The following DCP1B variants were observed in gnomAD, a reference collection of about 807,000 sequenced individuals.
DCP1B encodes mRNA-decapping enzyme 1B.
Under a neutral mutation model 60.5 loss-of-function variants are expected in DCP1B, and 47 were observed. The ratio of observed to expected loss-of-function variants is 0.78; its 90% CI spans 0.61 to 0.99. The LOEUF (loss-of-function observed/expected upper bound fraction) is 0.99. DCP1B is among the 50% of genes least tolerant of loss of function. DCP1B has a pLI of 0.00. For missense variants in DCP1B, 725 were observed against 756.8 expected (o/e 0.96, Z 0.49); for synonymous variants, 267 against 280.3 (o/e 0.95, Z 0.47).
rs552764223 is a variant in DCP1B, at chr12:1,969,724, A to T, written c.320-1814T>A. Among the ~76,000 whole-genome samples the T allele has an allele frequency of 3.9e-5, 6 of 152,228 alleles. 1 individual carries two copies. The highest frequency in any genetic ancestry group is 1.4e-4 in the African/African-American group (6 of 41,538). ...TTCCCTACTCTAATTCCCTACACAG[A>T]TTCCTACACTAACCTGCATACCCTC... On this transcript the variant is annotated intron_variant, in intron 3 of 8. Coordinates refer to ENST00000280665, the MANE Select transcript of DCP1B (RefSeq NM_152640.5).
At chr12:1,998,001 AG>A (rs1197063154) in intron 1 of DCP1B, 26 bp from the exon 2 acceptor site, 1 of 1,593,326 alleles carries the variant, frequency 6.3e-7, no homozygotes. Context: ...AAAACACACA[AG>A]ACATGTATGT....
rs1321487215 is a variant in DCP1B, at chr12:1,948,520, A to G, written c.1773+566T>C. Among the ~76,000 whole-genome samples, 1 of 152,230 alleles carries G rather than the reference A, an allele frequency of 6.6e-6. No homozygotes were observed. Among genetic ancestry groups the G allele is most frequent in the African/African-American group, 2.4e-5 (1 of 41,458 alleles). The stretch of plus-strand genomic sequence containing the variant: ...AGTGTTAGCTATTATAGCACTCATT[A>G]TTATTTCATAATTTCATAGGCAAGT... On this transcript the variant is annotated intron_variant, in intron 8 of 8. Transcript: ENST00000280665. This position sits in a 1 kb window ranked among gnomAD's most constrained non-coding sequence, Gnocchi z 4.8.
chr12:1,962,256 G>A lies in DCP1B; in HGVS notation c.522+3302C>T, dbSNP rs76625868. ...GTACAGGCCAGAGACGAGGAGATACGTATGGCTCAGGATTGGTTAGTGTGC... is the reference window on the plus strand; with the variant it reads ...GTACAGGCCAGAGACGAGGAGATACATATGGCTCAGGATTGGTTAGTGTGC... On this transcript the variant is annotated intron_variant, in intron 5 of 8. Transcript: ENST00000280665. This position sits in a 1 kb window ranked among gnomAD's most constrained non-coding sequence, Gnocchi z 4.4. 1.6e-4 allele frequency among the ~76,000 whole-genome samples: 24 copies of A among 152,256 alleles called. No individual in the cohort carries two copies. The East Asian group carries it at 4.6e-3, about 29-fold the overall frequency.
At position 1,952,551 on chromosome 12, in the gene DCP1B, C is replaced by T; in HGVS notation, c.1389G>A (p.Gln463=). The T allele has an allele frequency of 6.2e-7, 1 of 1,614,180 alleles. No individual in the cohort carries two copies. Among genetic ancestry groups the T allele is most frequent in the Non-Finnish European group, 8.5e-7 (1 of 1,180,028 alleles). ...LKKLQIVQQE[Q]QLHASNRPAL... ...CTGGCCGGTTAGAGGCATGCAGCTG[C>T]TGCTCCTGCTGTACAATCTGAAGCT... The change falls in exon 7 of 9, where the codon CAG becomes CAA. Residue 463 remains glutamine (Q), a synonymous_variant. Transcript: ENST00000280665.
Position 1,952,443 on chromosome 12 carries a change from G to A in DCP1B, c.1497C>T (p.Asn499=). The A allele has an allele frequency of 6.2e-7, 1 of 1,607,228 alleles. No homozygotes were observed. The highest frequency in any genetic ancestry group is 1.3e-5 in the African/African-American group (1 of 74,750). ...PLESWINKTP[N]TEQQTPLFQV... The stretch of plus-strand genomic sequence containing the variant: ...GGAAAAGAGGAGTCTGCTGTTCTGT[G>A]TTGGGTGTCTTGTTGATCCAGGATT... The change falls in exon 7 of 9, where the codon AAC becomes AAT. Residue 499 remains asparagine (N), a synonymous_variant. Coordinates refer to ENST00000280665, the MANE Select transcript of DCP1B (RefSeq NM_152640.5).
In DCP1B at chr12:1,972,205, C is replaced by T. The variant is rs116058252; in HGVS notation, c.320-4295G>A. 2.7e-3 allele frequency among the ~76,000 whole-genome samples: 416 copies of T among 152,270 alleles called. 1 individual carries two copies. The highest frequency in any genetic ancestry group is 9.6e-3 in the African/African-American group (400 of 41,556). ...CTCTTCTGGGCATCTAAGGATAAAC[C>T]AAAATTTAAAATTCCTTCAAACTCC... On this transcript the variant is annotated intron_variant, in intron 3 of 8. Coordinates refer to ENST00000280665, the MANE Select transcript of DCP1B (RefSeq NM_152640.5).
downstream of DCP1B, among the ~76,000 whole-genome samples, chr12:1,943,211 T>C (rs1482061440): frequency 6.6e-6 from 1 of 152,144 alleles, no homozygotes; most frequent in Admixed American, 6.5e-5. Context: ...AATGGATAAA[T>C]TCCTTGACAC....
At chr12:1,959,922 T>C (rs919560490) in intron 5 of DCP1B, among the ~76,000 whole-genome samples, 2 of 148,956 alleles carry the variant, frequency 1.3e-5, no homozygotes, top group Non-Finnish European at 3.0e-5. Flanking sequence ...ATTGCTCCAC[T>C]GCACTCCAGC....
chr12:1,942,675 C>T (rs996085281), downstream of DCP1B, among the ~76,000 whole-genome samples: 3 of 152,308 alleles, frequency 2.0e-5, no homozygotes, highest in Admixed American at 6.5e-5. Flanking sequence ...ACTGAACAAC[C>T]TGCTCCTGAA....
chr12:1,949,026 T>C (rs1443304656), intron 8 of DCP1B, 60 bp downstream of exon 8: 3 of 1,578,282 alleles, frequency 1.9e-6, no homozygotes, highest in Non-Finnish European at 2.6e-6. Flanking sequence ...TATCTCATAG[T>C]TGCAGCCAGG....
At chr12:1,983,881 C>A (rs765399855) in intron 3 of DCP1B, among the ~76,000 whole-genome samples, 75 of 151,830 alleles carry the variant, frequency 4.9e-4, no homozygotes, top group Non-Finnish European at 9.9e-4. Flanking sequence ...GGTTCTATCA[C>A]TTTTTGCTTC....
intron 3 of DCP1B, among the ~76,000 whole-genome samples, chr12:1,980,249 A>G (rs2154464249): frequency 6.6e-6 from 1 of 152,374 alleles, no homozygotes. Flanking sequence ...ATAGACTGCA[A>G]TATAATGATG....
chr12:1,964,995 A>C (rs2031246013), intron 5 of DCP1B, among the ~76,000 whole-genome samples: 1 of 152,050 alleles, frequency 6.6e-6, no homozygotes, highest in African/African-American at 2.4e-5. Flanking sequence ...TCTAGATCAG[A>C]GAGTAAGGGA....
chr12:1,943,301 A>C (rs957909576), downstream of DCP1B, among the ~76,000 whole-genome samples: 1 of 152,168 alleles, frequency 6.6e-6, no homozygotes, highest in Admixed American at 6.5e-5. Context: ...TGAGGCAGTA[A>C]TTAATAGCCT....
Position 2,004,360 on chromosome 12 carries a change from G to A in DCP1B, c.72C>T (p.His24=), listed in dbSNP as rs1245034156. ...RDISLAALQR[H]DPYINRIVDV... Reference sequence around the variant, plus strand: ...CCACGATGCGGTTGATATAGGGGTCGTGGCGCTGCAGGGCCGCTAGGCTGA... The same window carrying A: ...CCACGATGCGGTTGATATAGGGGTCATGGCGCTGCAGGGCCGCTAGGCTGA... Residue 24 remains histidine (H), a synonymous_variant, in exon 1 of 9, where the codon CAC becomes CAT. Coordinates refer to ENST00000280665, the MANE Select transcript of DCP1B (RefSeq NM_152640.5). 1.2e-6 allele frequency: 2 copies of A among 1,613,256 alleles called. No homozygotes were observed. The highest frequency in any genetic ancestry group is 1.7e-6 in the Non-Finnish European group (2 of 1,179,942).
intron 6 of DCP1B, 103 bp from the exon 7 acceptor site, chr12:1,953,391 G>A (rs1467988457): frequency 1.6e-6 from 2 of 1,270,338 alleles, no homozygotes; most frequent in South Asian, 1.8e-5. Context: ...TATTTACAAA[G>A]GATTGATTAG....
intron 7 of DCP1B, chr12:1,950,523 T>C (rs1004926063): frequency 6.0e-6 from 4 of 661,162 alleles, no homozygotes; most frequent in African/African-American, 5.4e-5. Context: ...GTGGGAGTTA[T>C]AAATATTGTT....
intron 1 of DCP1B, among the ~76,000 whole-genome samples, chr12:2,001,976 C>T (rs1194930330): frequency 6.6e-6 from 1 of 152,222 alleles, no homozygotes; most frequent in Non-Finnish European, 1.5e-5. Context: ...TTATGGTCTT[C>T]AATTGACACA....
chr12:1,991,099 T>G, intron 3 of DCP1B: 1 of 456,208 alleles, frequency 2.2e-6, no homozygotes, highest in Non-Finnish European at 4.4e-6. Flanking sequence ...AGAAACATTT[T>G]AATATGCATC....
Sources: gnomAD v4.1 joint callset for allele counts (sites outside exome capture counted in the v4.1 genomes callset) on GRCh38, gnomAD v4.1.1 for gene constraint, Gnocchi (gnomAD v3.1) non-coding constraint, MANE v1.5 for transcripts, NCBI Gene and HGNC (gene_info 2026-07-23, HGNC 2026-07-21) for gene names.